The following WDFY1 variants were observed in gnomAD, a reference collection of about 807,000 sequenced individuals.
The protein encoded by WDFY1 is WD repeat and FYVE domain containing 1.
Under a neutral mutation model 56.4 loss-of-function variants are expected in WDFY1, and 32 were observed. The ratio of observed to expected loss-of-function variants is 0.57; its 90% CI spans 0.43 to 0.76. WDFY1 has a LOEUF of 0.76. Among genes scored for constraint, WDFY1 ranks in the 30% least tolerant of loss-of-function variants. The pLI is 0.00. For missense variants in WDFY1, 480 were observed against 545.7 expected (o/e 0.88, Z 1.20); for synonymous variants, 192 against 197.3 (o/e 0.97, Z 0.23).
intron 1 of WDFY1, among the ~76,000 whole-genome samples, chr2:223,944,250 C>A (rs1387145569): frequency 1.3e-5 from 2 of 152,190 alleles, no homozygotes; most frequent in African/African-American, 4.8e-5. Flanking sequence ...GCCCCGGGCA[C>A]CAGGGTCCGC....
chr2:223,881,781 C>T (rs1693077867), intron 10 of WDFY1, among the ~76,000 whole-genome samples, 161 bp downstream of exon 10: 1 of 152,114 alleles, frequency 6.6e-6, no homozygotes, highest in East Asian at 1.9e-4. Context: ...GAGCAAGACT[C>T]TGTCTCAAAA....
chr2:223,893,045 G>A (rs1693304939), intron 8 of WDFY1, among the ~76,000 whole-genome samples: 1 of 152,156 alleles, frequency 6.6e-6, no homozygotes, highest in African/African-American at 2.4e-5. Context: ...GACAGTACAG[G>A]CAGAGATGAG....
chr2:223,897,807 A>G (rs908661287), intron 6 of WDFY1, among the ~76,000 whole-genome samples: 1 of 151,694 alleles, frequency 6.6e-6, no homozygotes, highest in African/African-American at 2.4e-5. Context: ...TCAGTAAATG[A>G]GCTCCCTTGA....
intron 8 of WDFY1, among the ~76,000 whole-genome samples, chr2:223,891,677 T>C (rs757011894): frequency 2.0e-5 from 3 of 152,254 alleles, no homozygotes; most frequent in Non-Finnish European, 2.9e-5. Context: ...ACTTTCTAAG[T>C]ACTTTTTCTA....
intron 8 of WDFY1, among the ~76,000 whole-genome samples, chr2:223,887,100 A>G (rs2106073237): frequency 6.6e-6 from 1 of 152,308 alleles, no homozygotes; most frequent in African/African-American, 2.4e-5. Context: ...AGAGATGTGT[A>G]TCTATGTGAG....
intron 1 of WDFY1, among the ~76,000 whole-genome samples, chr2:223,919,544 C>G (rs1693855794): frequency 6.6e-6 from 1 of 152,142 alleles, no homozygotes; most frequent in South Asian, 2.1e-4. Flanking sequence ...CAGTCTTGCT[C>G]TGTGGCCCAG....
At chr2:223,905,907 T>C in intron 4 of WDFY1, 40 bp downstream of exon 4, 2 of 1,397,604 alleles carry the variant, frequency 1.4e-6, no homozygotes, top group Admixed American at 2.6e-5. Flanking sequence ...TGTGTATGTC[T>C]ACATGTATGT....
chr2:223,919,692 C>T (rs745918017), intron 1 of WDFY1, among the ~76,000 whole-genome samples: 18 of 152,158 alleles, frequency 1.2e-4, no homozygotes, highest in Non-Finnish European at 1.9e-4. Context: ...GTATTTCTAA[C>T]GGCAATGTAG....
chr2:223,885,016 A>AT (rs1184963854), intron 8 of WDFY1, among the ~76,000 whole-genome samples: 3 of 150,794 alleles, frequency 2.0e-5, no homozygotes, highest in Non-Finnish European at 4.4e-5. Context: ...TAATTTCTGT[A>AT]TTTTTAGTAG....
Position 223,893,828 on chromosome 2 carries a change from G to A in WDFY1, c.831+406C>T, listed in dbSNP as rs1693317737. On this transcript the variant is annotated intron_variant, in intron 8 of 11. Coordinates refer to ENST00000233055, the MANE Select transcript of WDFY1 (RefSeq NM_020830.5). The stretch of plus-strand genomic sequence containing the variant: ...ATATTTTCCCAGAAACCTGTCAAGT[G>A]TTTAGCTATGTCCCTGACAGCAGTC... 1.3e-5 allele frequency among the ~76,000 whole-genome samples: 2 copies of A among 152,330 alleles called. 1 individual carries two copies. The highest frequency in any genetic ancestry group is 1.3e-4 in the Admixed American group (2 of 15,298).
rs201719019 is a variant in WDFY1 at position 223,895,524 on chromosome 2, C to T, written c.705G>A (p.Thr235=). The T allele has an allele frequency of 3.7e-6, 6 of 1,613,984 alleles. No homozygotes were observed. The South Asian group carries it at 4.4e-5, about 12-fold the overall frequency. The change falls in exon 7 of 12, where the codon ACG becomes ACA. Residue 235 remains threonine, a synonymous_variant. Coordinates refer to ENST00000233055, the MANE Select transcript of WDFY1 (RefSeq NM_020830.5). ...MWDIGGRKGR[T]LLLQGHHDKV... Reference sequence around the variant, plus strand: ...CGCACTGATGGCCCTGAAGTAACAGCGTCCGGCCTTTCCTTCCTCCGATGT... The same window carrying T: ...CGCACTGATGGCCCTGAAGTAACAGTGTCCGGCCTTTCCTTCCTCCGATGT...
At chr2:223,905,819 C>T in intron 4 of WDFY1, 128 bp downstream of exon 4, 1 of 598,674 alleles carries the variant, frequency 1.7e-6, no homozygotes, top group Non-Finnish European at 2.6e-6. Flanking sequence ...AGACAAGTCT[C>T]TTGCATAGTG....
At chr2:223,895,390 T>C (rs1444292022) in intron 7 of WDFY1, 114 bp downstream of exon 7, 2 of 1,501,328 alleles carry the variant, frequency 1.3e-6, no homozygotes, top group Non-Finnish European at 1.8e-6. Context: ...CTATCAATGA[T>C]AATTGCCATC....
chr2:223,914,219 A>G (rs1346804559), intron 2 of WDFY1, among the ~76,000 whole-genome samples: 1 of 151,462 alleles, frequency 6.6e-6, no homozygotes, highest in Non-Finnish European at 1.5e-5. Context: ...CCAGTCTCGA[A>G]CTCCTGACCT....
At chr2:223,904,021 A>C (rs1183893335) in intron 4 of WDFY1, among the ~76,000 whole-genome samples, 1 of 152,206 alleles carries the variant, frequency 6.6e-6, no homozygotes, top group East Asian at 1.9e-4. Context: ...ACTCGTAGGT[A>C]TATACCTCAT....
In WDFY1 at chr2:223,912,404, T is replaced by C. The variant is rs956939200; in HGVS notation, c.206-78A>G. 5 of 1,122,426 alleles carry C rather than the reference T, an allele frequency of 4.5e-6. 1 individual carries two copies. The East Asian group carries it at 1.0e-4, about 23-fold the overall frequency. The allele number at this position is 1,122,426 out of a possible 1,614,324, so 69.5% of individuals were successfully genotyped here. A position where few individuals can be genotyped will look rare whatever the true frequency, so the allele number is the denominator to read the frequency against. ...TTCTTCAAAGTGATTAAGAACTATA[T>C]GATAAGAACTATATAATTTAGGTTC... On this transcript the variant is annotated intron_variant, in intron 2 of 11. Coordinates refer to ENST00000233055, the MANE Select transcript of WDFY1 (RefSeq NM_020830.5).
At chr2:223,883,843 G>A (rs1693118056) in intron 9 of WDFY1, among the ~76,000 whole-genome samples, 1 of 151,768 alleles carries the variant, frequency 6.6e-6, no homozygotes, top group South Asian at 2.1e-4. Context: ...ACAGGGTTTC[G>A]CCATGTTAGC....
chr2:223,900,082 A>T (rs1693478012), intron 5 of WDFY1, among the ~76,000 whole-genome samples: 1 of 152,230 alleles, frequency 6.6e-6, no homozygotes, highest in Non-Finnish European at 1.5e-5. Flanking sequence ...GTGGAAAACC[A>T]GAAATTTATA....
chr2:223,923,347 A>C (rs1020002611), intron 1 of WDFY1, among the ~76,000 whole-genome samples: 2 of 152,240 alleles, frequency 1.3e-5, no homozygotes, highest in Admixed American at 1.3e-4. Flanking sequence ...AAGTTGGGCC[A>C]CTTATTTAAA....
Sources: allele counts gnomAD v4.1 joint callset (sites outside exome capture counted in the v4.1 genomes callset), GRCh38; gene constraint gnomAD v4.1.1; transcripts MANE v1.5; gene names NCBI Gene and HGNC (gene_info 2026-07-23, HGNC 2026-07-21).